Variants in MBOAT2 observed in about 807,000 individuals in gnomAD.
The protein encoded by MBOAT2 is membrane bound glycerophospholipid O-acyltransferase 2.
Under a neutral mutation model 63.4 loss-of-function variants are expected in MBOAT2, and 28 were observed. The ratio of observed to expected loss-of-function variants is 0.44; its 90% CI spans 0.33 to 0.61. MBOAT2 has a LOEUF of 0.61. Among genes scored for constraint, MBOAT2 ranks in the 20% least tolerant of loss-of-function variants. The pLI is 0.03. For synonymous variants in MBOAT2, 211 were observed against 215.6 expected, an observed-to-expected ratio of 0.98 and a Z score of 0.19; for missense variants, 470 against 605.8, an observed-to-expected ratio of 0.78 and a Z score of 2.35.
At chr2:8,981,973 A>C (rs1471976227) in intron 1 of MBOAT2, among the ~76,000 whole-genome samples, 1 of 152,172 alleles carries the variant, frequency 6.6e-6, no homozygotes, top group Non-Finnish European at 1.5e-5. Context: ...ACAGACTTAG[A>C]TCCAAATATG....
At chr2:8,902,717 G>A (rs766681400) in intron 4 of MBOAT2, among the ~76,000 whole-genome samples, 6 of 152,096 alleles carry the variant, frequency 3.9e-5, no homozygotes, top group South Asian at 2.1e-4. Flanking sequence ...TTCATGGTCT[G>A]ACTGACTTCA....
chr2:8,876,921 A>G (rs1662738838), intron 7 of MBOAT2, 109 bp downstream of exon 7: 3 of 1,126,728 alleles, frequency 2.7e-6, no homozygotes, highest in Non-Finnish European at 3.7e-6. Flanking sequence ...CTTGAAAAGT[A>G]TTTTTAAAGA....
At chr2:8,869,372 A>G (rs1203512132) in intron 8 of MBOAT2, among the ~76,000 whole-genome samples, 1 of 152,100 alleles carries the variant, frequency 6.6e-6, no homozygotes, top group Admixed American at 6.5e-5. Flanking sequence ...AATCCTTTTC[A>G]CCACAATGCT....
rs1020290459 is a variant in MBOAT2, at chr2:8,915,149, G to C, written c.300-6433C>G. 3.0e-4 allele frequency among the ~76,000 whole-genome samples: 45 copies of C among 151,626 alleles called. 1 individual carries two copies. Among genetic ancestry groups the C allele is most frequent in the Non-Finnish European group, 4.4e-5 (3 of 67,918 alleles). On this transcript the variant is annotated intron_variant, in intron 3 of 12. Coordinates refer to ENST00000305997, the MANE Select transcript of MBOAT2 (RefSeq NM_138799.4). ...AGATAAGGTTTCACCATATTGGCCA[G>C]GCTGGTCTTGAACTCCTGACCTCAA...
In MBOAT2 at chr2:8,940,723, G is replaced by C. The variant is rs1667991213; in HGVS notation, c.299+2464C>G. Among the ~76,000 whole-genome samples the C allele has an allele frequency of 1.3e-5, 2 of 151,850 alleles. 1 individual carries two copies. Among genetic ancestry groups the C allele is most frequent in the South Asian group, 4.2e-4 (2 of 4,816 alleles). On this transcript the variant is annotated intron_variant, in intron 3 of 12. Coordinates refer to ENST00000305997, the MANE Select transcript of MBOAT2 (RefSeq NM_138799.4). ...ATATATATATTTGAATTTACACGTG[G>C]GTCAATCAAAGCAAGTACAATAACT... is the stretch of plus-strand genomic sequence containing the variant.
At chr2:8,991,384 C>A (rs1366196138) in intron 1 of MBOAT2, among the ~76,000 whole-genome samples, 1 of 152,162 alleles carries the variant, frequency 6.6e-6, no homozygotes, top group Non-Finnish European at 1.5e-5. Context: ...GAAATTCCAA[C>A]CTTCCACTGT....
chr2:8,989,690 T>C (rs1671795476), intron 1 of MBOAT2, among the ~76,000 whole-genome samples: 1 of 152,226 alleles, frequency 6.6e-6, no homozygotes, highest in Admixed American at 6.5e-5. Context: ...AGTGGACTTA[T>C]TCAGACCACT....
chr2:8,974,045 T>C lies in MBOAT2; in HGVS notation c.76-15403A>G, dbSNP rs1670649264. 2.6e-5 allele frequency among the ~76,000 whole-genome samples: 4 copies of C among 152,164 alleles called. No homozygotes were observed. In the South Asian group the frequency reaches 8.3e-4, roughly 32 times the overall value. ...AATGCTCTCTAGCCATCACAAAGAA[T>C]GAGGCAGCCCTGTACCAAGTACCAA... On this transcript the variant is annotated intron_variant, in intron 1 of 12. Transcript: ENST00000305997.
chr2:8,868,991 T>C (rs1231827265), intron 8 of MBOAT2, among the ~76,000 whole-genome samples: 1 of 152,086 alleles, frequency 6.6e-6, no homozygotes, highest in Non-Finnish European at 1.5e-5. Context: ...GGCATAATAT[T>C]TTCCTTCCAT....
intron 6 of MBOAT2, among the ~76,000 whole-genome samples, chr2:8,878,732 C>T (rs975397451): frequency 2.6e-5 from 4 of 152,238 alleles, no homozygotes; most frequent in African/African-American, 7.2e-5. Context: ...TACCACTCAG[C>T]CCAAACTACT....
chr2:8,896,238 CAAAAAAA>C (rs967667476), intron 4 of MBOAT2, among the ~76,000 whole-genome samples: 1 of 51,226 alleles, frequency 2.0e-5, no homozygotes, highest in Non-Finnish European at 4.2e-5. Flanking sequence ...GACTCCGTCT[CAAAAAAA>C]AAAAAAAAAA....
Position 8,936,602 on chromosome 2 carries a change from T to C in MBOAT2, c.299+6585A>G, listed in dbSNP as rs139217709. On this transcript the variant is annotated intron_variant, in intron 3 of 12. Coordinates refer to ENST00000305997, the MANE Select transcript of MBOAT2 (RefSeq NM_138799.4). ...TTCAAGACCAGCCTGGCCAATATGG[T>C]GAAACCCCGTCTCTACTAAAAACAC... 5.0e-3 allele frequency among the ~76,000 whole-genome samples: 754 copies of C among 151,842 alleles called. 8 individuals are homozygous for C. Among genetic ancestry groups the C allele is most frequent in the South Asian group, 0.02 (97 of 4,810 alleles).
At chr2:8,959,911 A>G (rs1669494458) in intron 1 of MBOAT2, among the ~76,000 whole-genome samples, 1 of 152,242 alleles carries the variant, frequency 6.6e-6, no homozygotes, top group African/African-American at 2.4e-5. Context: ...TCAGGCACCT[A>G]AATTGTGAAC....
At chr2:8,876,953 T>C (rs1467403819) in intron 7 of MBOAT2, 77 bp downstream of exon 7, 3 of 1,357,230 alleles carry the variant, frequency 2.2e-6, no homozygotes, top group East Asian at 2.4e-5. Flanking sequence ...AAGTTCACAA[T>C]GTGAAAATAT....
intron 1 of MBOAT2, among the ~76,000 whole-genome samples, chr2:8,994,898 G>C (rs909546065): frequency 6.6e-6 from 1 of 152,216 alleles, no homozygotes; most frequent in South Asian, 2.1e-4. Flanking sequence ...AGTTAAAAGA[G>C]AGAAAATGTA....
intron 3 of MBOAT2, among the ~76,000 whole-genome samples, chr2:8,926,115 G>GT (rs1210730467): frequency 6.6e-6 from 1 of 152,036 alleles, no homozygotes; most frequent in Non-Finnish European, 1.5e-5. Context: ...TTCTTTGTTT[G>GT]TTTGTTTGTT....
At chr2:8,913,419 C>G (rs1279533133) in intron 3 of MBOAT2, among the ~76,000 whole-genome samples, 2 of 151,842 alleles carry the variant, frequency 1.3e-5, no homozygotes, top group South Asian at 4.2e-4. Context: ...AAAATCCTCA[C>G]AATCTATATA....
At chr2:8,967,945 G>C (rs929889342) in intron 1 of MBOAT2, among the ~76,000 whole-genome samples, 1 of 152,116 alleles carries the variant, frequency 6.6e-6, no homozygotes, top group African/African-American at 2.4e-5. Context: ...TGGCCGAATA[G>C]GAACAGCTCC....
rs962806227 is a variant in MBOAT2 at position 8,858,839 on chromosome 2, GT to G, written c.1402del (p.Thr468LeufsTer44). The G allele has an allele frequency of 1.2e-6, 2 of 1,613,656 alleles. No individual in the cohort carries two copies. The highest frequency in any genetic ancestry group is 1.1e-5 in the South Asian group (1 of 91,064). ...LVLLLLPVKK[T>X]QRRKNTHENI... ...TTCATGTGTATTCTTTCTTCTTTGA[GT>G]TTTTTTCACTGGCAACAACAATAAT... On this transcript the variant is annotated frameshift_variant, in exon 13 of 13. Coordinates refer to ENST00000305997, the MANE Select transcript of MBOAT2 (RefSeq NM_138799.4). LOFTEE classifies it low-confidence loss of function (END_TRUNC).
Sources: gnomAD v4.1 joint callset for allele counts (sites outside exome capture counted in the v4.1 genomes callset) on GRCh38, gnomAD v4.1.1 for gene constraint, MANE v1.5 for transcripts, NCBI Gene and HGNC (gene_info 2026-07-23, HGNC 2026-07-21) for gene names.